MBOAT2: variants seen among roughly 807,000 people sequenced by gnomAD.
MBOAT2 encodes membrane-bound glycerophospholipid O-acyltransferase 2.
Under a neutral mutation model 63.4 loss-of-function variants are expected in MBOAT2, and 28 were observed. That is an observed-to-expected ratio of 0.44 (90% CI 0.33 to 0.61). The LOEUF (loss-of-function observed/expected upper bound fraction) is 0.61. MBOAT2 is among the 20% of genes least tolerant of loss of function. MBOAT2 has a pLI of 0.03. For missense variants in MBOAT2, 470 were observed against 605.8 expected (o/e 0.78, Z 2.35); for synonymous variants, 211 against 215.6 (o/e 0.98, Z 0.19).
At chr2:8,875,723 C>G (rs1558561383) in intron 7 of MBOAT2, among the ~76,000 whole-genome samples, 1 of 152,164 alleles carries the variant, frequency 6.6e-6, no homozygotes, top group East Asian at 1.9e-4. Context: ...TCTCTTACAG[C>G]AGGGAGACCA....
At chr2:8,911,064 G>T (rs1435310565) in intron 3 of MBOAT2, among the ~76,000 whole-genome samples, 3 of 152,146 alleles carry the variant, frequency 2.0e-5, no homozygotes, top group Admixed American at 6.5e-5. Flanking sequence ...CAATCACCAT[G>T]GACTAGGGAC....
chr2:8,913,809 T>A (rs1394346814), intron 3 of MBOAT2, among the ~76,000 whole-genome samples: 1 of 152,056 alleles, frequency 6.6e-6, no homozygotes, highest in East Asian at 1.9e-4. Context: ...GATCCAGCAA[T>A]CCCACTACTG....
intron 1 of MBOAT2, among the ~76,000 whole-genome samples, chr2:8,976,841 C>T (rs1670852785): frequency 6.6e-6 from 1 of 152,148 alleles, no homozygotes; most frequent in African/African-American, 2.4e-5. Flanking sequence ...TAGGATATTA[C>T]TTACTTAGCA....
At chr2:8,968,269 G>C (rs368728484) in intron 1 of MBOAT2, among the ~76,000 whole-genome samples, 1 of 152,196 alleles carries the variant, frequency 6.6e-6, no homozygotes, top group African/African-American at 2.4e-5. Context: ...AGGAAAACAG[G>C]GTCTGGAGTG....
At chr2:8,954,203 T>G (rs868742555) in intron 2 of MBOAT2, among the ~76,000 whole-genome samples, 3 of 152,184 alleles carry the variant, frequency 2.0e-5, no homozygotes, top group Middle Eastern at 3.2e-3. Flanking sequence ...TACACTTCTT[T>G]TGGCAGGTTT....
At position 8,858,807 on chromosome 2, in the gene MBOAT2, G is replaced by C; in HGVS notation, c.1435C>G (p.Gln479Glu). 1 of 1,613,964 alleles carries C rather than the reference G, an allele frequency of 6.2e-7. No homozygotes were observed. The highest frequency in any genetic ancestry group is 8.5e-7 in the Non-Finnish European group (1 of 1,179,948). ...TCAAACTTTTTGGATTGTGAGAGCT[G>C]AATGTTTTCATGTGTATTCTTTCTT... ...QRRKNTHENI[Q>E]LSQSKKFDEG... Residue 479 changes from glutamine (Q) to glutamate (E), a missense_variant, in exon 13 of 13, where the codon CAG becomes GAG. This residue lies in a region of MBOAT2 where 90 missense variants were observed against 84.9 expected (regional missense o/e 1.06). Transcript: ENST00000305997.
At chr2:8,960,986 G>C (rs1312451456) in intron 1 of MBOAT2, among the ~76,000 whole-genome samples, 1 of 152,206 alleles carries the variant, frequency 6.6e-6, no homozygotes, top group African/African-American at 2.4e-5. Flanking sequence ...TGGAAGCAGG[G>C]TGGTTCAGAA....
At position 9,003,045 on chromosome 2, in the gene MBOAT2, A is replaced by T. The variant is rs933135710; in HGVS notation, c.75+495T>A. Among the ~76,000 whole-genome samples, 2 of 152,006 alleles carry T rather than the reference A, an allele frequency of 1.3e-5. No individual in the cohort carries two copies. The highest frequency in any genetic ancestry group is 2.4e-5 in the African/African-American group (1 of 41,408). On this transcript the variant is annotated intron_variant, in intron 1 of 12. Transcript: ENST00000305997. This position sits in a 1 kb window ranked among gnomAD's most constrained non-coding sequence, Gnocchi z 5.4. ...CTAGCACCCATCGACGCCGTCTCTAAGGCACCCAGCACACCCAGACCCATG... is the reference window on the plus strand; with the variant it reads ...CTAGCACCCATCGACGCCGTCTCTATGGCACCCAGCACACCCAGACCCATG...
In MBOAT2 at chr2:8,972,918, A is replaced by G. The variant is rs556455138; in HGVS notation, c.76-14276T>C. Among the ~76,000 whole-genome samples, 290 of 152,292 alleles carry G rather than the reference A, an allele frequency of 1.9e-3. 1 individual carries two copies. The highest frequency in any genetic ancestry group is 6.6e-3 in the African/African-American group (276 of 41,574). On this transcript the variant is annotated intron_variant, in intron 1 of 12. Coordinates refer to ENST00000305997, the MANE Select transcript of MBOAT2 (RefSeq NM_138799.4). ...AAACAGGAACACTTTTACACTGTTGATGGGACTGTAAACTGGTTCAACCAT... is the reference window on the plus strand; with the variant it reads ...AAACAGGAACACTTTTACACTGTTGGTGGGACTGTAAACTGGTTCAACCAT...
chr2:8,999,380 G>C (rs1246705924), intron 1 of MBOAT2, among the ~76,000 whole-genome samples: 1 of 152,222 alleles, frequency 6.6e-6, no homozygotes, highest in Non-Finnish European at 1.5e-5. Context: ...ATGGGAGGGA[G>C]GGAGGAAGAG....
rs893319735 is a variant in MBOAT2 at position 8,862,710 on chromosome 2, T to C, written c.1065A>G (p.Glu355=). Residue 355 remains glutamate, a synonymous_variant, in exon 11 of 13, where the codon GAA becomes GAG. Coordinates refer to ENST00000305997, the MANE Select transcript of MBOAT2 (RefSeq NM_138799.4). The surrounding 1 kb of genome is among the most constrained non-coding windows in gnomAD (Gnocchi z 4.3). ...TALWLKRVCY[E]RTSFSPTIQT... ...GGATAGTTGGACTGAAGGAGGTTCG[T>C]TCATAACACACCCTAGAAACCATGA... The C allele has an allele frequency of 1.9e-6, 3 of 1,613,646 alleles. No individual in the cohort carries two copies. The highest frequency in any genetic ancestry group is 2.5e-6 in the Non-Finnish European group (3 of 1,179,804).
chr2:8,969,469 A>G (rs1573203371), intron 1 of MBOAT2, among the ~76,000 whole-genome samples: 1 of 152,196 alleles, frequency 6.6e-6, no homozygotes, highest in East Asian at 1.9e-4. Context: ...TTAACAAATG[A>G]GCAAAATAAC....
chr2:8,953,017 T>C (rs1345886554), intron 2 of MBOAT2, among the ~76,000 whole-genome samples: 3 of 152,220 alleles, frequency 2.0e-5, no homozygotes, highest in Non-Finnish European at 4.4e-5. Context: ...CATGACATTG[T>C]TACCTGGTTG....
rs1039677226 is a variant in MBOAT2 at position 8,998,258 on chromosome 2, T to C, written c.75+5282A>G. ...TGAAAAGGAATCGTTCACAGCAGAC[T>C]CTCCGGGTTTTCAGTGTTCTCATGA... On this transcript the variant is annotated intron_variant, in intron 1 of 12. Transcript: ENST00000305997. Among the ~76,000 whole-genome samples, 82 of 152,206 alleles carry C rather than the reference T, an allele frequency of 5.4e-4. 1 individual carries two copies. The highest frequency in any genetic ancestry group is 1.8e-3 in the African/African-American group (73 of 41,454).
intron 1 of MBOAT2, among the ~76,000 whole-genome samples, chr2:8,962,540 T>C (rs1669688164): frequency 6.6e-6 from 1 of 152,140 alleles, no homozygotes; most frequent in Non-Finnish European, 1.5e-5. Flanking sequence ...TCTGCAATGT[T>C]CCAGAAATGC....
chr2:8,865,193 T>C (rs1346157659), intron 9 of MBOAT2, among the ~76,000 whole-genome samples: 1 of 152,192 alleles, frequency 6.6e-6, no homozygotes, highest in Non-Finnish European at 1.5e-5. Context: ...TGAAATTTTC[T>C]TTTCTCTTTT....
intron 3 of MBOAT2, among the ~76,000 whole-genome samples, chr2:8,933,411 C>T (rs948132486): frequency 1.3e-5 from 2 of 152,264 alleles, no homozygotes; most frequent in Admixed American, 1.3e-4. Context: ...TACAGTGGCA[C>T]AATCACAGTT....
intron 1 of MBOAT2, among the ~76,000 whole-genome samples, chr2:8,968,950 A>T (rs977726579): frequency 1.3e-5 from 2 of 152,178 alleles, no homozygotes; most frequent in African/African-American, 4.8e-5. Flanking sequence ...GTGGAAAAAC[A>T]CTCTGCAGGA....
chr2:8,989,508 T>C (rs967060019), intron 1 of MBOAT2, among the ~76,000 whole-genome samples: 1 of 152,182 alleles, frequency 6.6e-6, no homozygotes, highest in Non-Finnish European at 1.5e-5. Context: ...ACTTTCAAGA[T>C]ACGGAGCTGT....
Sources: allele counts gnomAD v4.1 joint callset (sites outside exome capture counted in the v4.1 genomes callset), GRCh38; gene constraint gnomAD v4.1.1; regional missense constraint gnomAD v4.1.1; non-coding constraint Gnocchi (gnomAD v3.1); transcripts MANE v1.5; gene names NCBI Gene and HGNC (gene_info 2026-07-23, HGNC 2026-07-21).